The following EPM2A variants were observed in gnomAD, a reference collection of about 807,000 sequenced individuals.
EPM2A encodes EPM2A glucan phosphatase, laforin.
EPM2A carries 21 observed loss-of-function variants against 26.5 expected under a neutral mutation model. The observed-to-expected ratio is 0.79, with a 90% CI of 0.56 to 1.14. The LOEUF (loss-of-function observed/expected upper bound fraction) is 1.14. Among genes scored for constraint, EPM2A ranks in the 50% most tolerant of loss-of-function variants. The pLI, the probability that EPM2A is intolerant of heterozygous loss-of-function variation, is 0.00. For missense variants in EPM2A, 458 were observed against 440.8 expected (o/e 1.04, Z -0.35); for synonymous variants, 217 against 177.6 (o/e 1.22, Z -1.76).
At chr6:145,660,500 G>A (rs1420982205) in intron 2 of EPM2A, among the ~76,000 whole-genome samples, 4 of 152,204 alleles carry the variant, frequency 2.6e-5, no homozygotes, top group African/African-American at 9.6e-5. Flanking sequence ...CAAAATGTAG[G>A]CACTCAAAAA....
intron 4 of EPM2A, among the ~76,000 whole-genome samples, chr6:145,424,259 A>G (rs1416910075): frequency 1.3e-5 from 2 of 152,222 alleles, no homozygotes; most frequent in Non-Finnish European, 2.9e-5. Context: ...GAGGAGGAAA[A>G]ATAGAGAAAC....
chr6:145,495,606 C>T (rs1779807756), intron 4 of EPM2A, among the ~76,000 whole-genome samples: 1 of 152,196 alleles, frequency 6.6e-6, no homozygotes, highest in South Asian at 2.1e-4. Context: ...TAGATGGAAT[C>T]TTGATCTGTC....
chr6:145,523,622 C>G (rs1780232563), intron 2 of EPM2A, among the ~76,000 whole-genome samples: 1 of 152,166 alleles, frequency 6.6e-6, no homozygotes, highest in South Asian at 2.1e-4. Flanking sequence ...GACTACTTCA[C>G]AGACTGACTG....
chr6:145,479,938 A>C (rs1365050779), intron 4 of EPM2A, among the ~76,000 whole-genome samples: 1 of 152,088 alleles, frequency 6.6e-6, no homozygotes, highest in Middle Eastern at 3.2e-3. Flanking sequence ...TTTTTAAAGA[A>C]AATTATAGCC....
chr6:145,673,938 A>AGTGGT (rs1253378386), intron 2 of EPM2A, among the ~76,000 whole-genome samples: 1 of 152,232 alleles, frequency 6.6e-6, no homozygotes, highest in Non-Finnish European at 1.5e-5. Flanking sequence ...TTCTCCCAGC[A>AGTGGT]GTGGTTCTCC....
At chr6:145,541,261 TTATA>T (rs1331508043) in intron 2 of EPM2A, among the ~76,000 whole-genome samples, 1 of 149,786 alleles carries the variant, frequency 6.7e-6, no homozygotes. Flanking sequence ...ACATATATAA[TTATA>T]TATGTGTGTG....
intron 2 of EPM2A, among the ~76,000 whole-genome samples, chr6:145,518,856 T>A (rs1230313250): frequency 6.6e-6 from 1 of 152,142 alleles, no homozygotes; most frequent in Non-Finnish European, 1.5e-5. Context: ...GGCCATTCTA[T>A]GGAAACATAT....
chr6:145,541,380 G>A (rs1780510113), intron 2 of EPM2A, among the ~76,000 whole-genome samples: 1 of 150,794 alleles, frequency 6.6e-6, no homozygotes, highest in Admixed American at 6.6e-5. Flanking sequence ...TTCTATATTG[G>A]AATAAATCAT....
At chr6:145,397,634 C>A (rs79406547) in intron 4 of EPM2A, among the ~76,000 whole-genome samples, 1 of 152,138 alleles carries the variant, frequency 6.6e-6, no homozygotes, top group Non-Finnish European at 1.5e-5. Context: ...CCATAATCTC[C>A]AGTCTCACCA....
chr6:145,653,884 G>C (rs1214694648), intron 2 of EPM2A, among the ~76,000 whole-genome samples: 2 of 152,134 alleles, frequency 1.3e-5, no homozygotes, highest in South Asian at 4.2e-4. Context: ...TGTTTGACTG[G>C]CTATCTGGGT....
At chr6:145,566,609 T>C (rs1582859230) in intron 2 of EPM2A, among the ~76,000 whole-genome samples, 1 of 152,304 alleles carries the variant, frequency 6.6e-6, no homozygotes, top group African/African-American at 2.4e-5. Context: ...TGAAGGTGAG[T>C]TGCTTTTATG....
At chr6:145,676,518 G>T (rs541132960) in intron 2 of EPM2A, among the ~76,000 whole-genome samples, 22 of 152,064 alleles carry the variant, frequency 1.4e-4, no homozygotes, top group Non-Finnish European at 2.8e-4. Flanking sequence ...CAACAAAATT[G>T]ATAGGCTGCT....
intron 2 of EPM2A, among the ~76,000 whole-genome samples, chr6:145,578,708 T>C (rs1324935347): frequency 6.6e-6 from 1 of 152,184 alleles, no homozygotes; most frequent in Non-Finnish European, 1.5e-5. Context: ...TTTATCAAGG[T>C]ATAATTGACA....
chr6:145,617,331 A>C (rs990438953), intron 2 of EPM2A, among the ~76,000 whole-genome samples: 2 of 152,166 alleles, frequency 1.3e-5, no homozygotes, highest in Non-Finnish European at 2.9e-5. Flanking sequence ...TGGAACTGTA[A>C]GTCCATTAAA....
Position 145,698,302 on chromosome 6 carries a change from A to G in EPM2A, c.302-12006T>C, listed in dbSNP as rs924892322. Reference sequence around the variant, plus strand: ...ACAAATGTCCTTGAGACAGTTGTTTAGCAGTCCAGTATGACGCGTTAGCCC... The same window carrying G: ...ACAAATGTCCTTGAGACAGTTGTTTGGCAGTCCAGTATGACGCGTTAGCCC... On this transcript the variant is annotated intron_variant, in intron 1 of 3. Coordinates refer to ENST00000367519, the MANE Select transcript of EPM2A (RefSeq NM_005670.4). Among the ~76,000 whole-genome samples the G allele has an allele frequency of 3.1e-4, 47 of 152,252 alleles. 1 individual carries two copies. The highest frequency in any genetic ancestry group is 1.1e-3 in the African/African-American group (47 of 41,460).
intron 2 of EPM2A, among the ~76,000 whole-genome samples, chr6:145,540,459 T>C (rs1218939650): frequency 6.6e-6 from 1 of 152,156 alleles, no homozygotes; most frequent in Non-Finnish European, 1.5e-5. Flanking sequence ...CCTTCCCCTG[T>C]TACTTGGTGT....
At chr6:145,717,589 T>G (rs1775705517) in intron 1 of EPM2A, among the ~76,000 whole-genome samples, 1 of 152,156 alleles carries the variant, frequency 6.6e-6, no homozygotes, top group Admixed American at 6.5e-5. Flanking sequence ...ACCGCTCCTA[T>G]TCAACATAGT....
At chr6:145,652,062 TATAAG>T (rs1016694345) in intron 2 of EPM2A, among the ~76,000 whole-genome samples, 3 of 152,184 alleles carry the variant, frequency 2.0e-5, no homozygotes, top group African/African-American at 2.4e-5. Flanking sequence ...CAAACTTACT[TATAAG>T]ATATTTTATT....
intron 2 of EPM2A, among the ~76,000 whole-genome samples, chr6:145,514,876 T>C (rs1253200554): frequency 6.6e-6 from 1 of 152,174 alleles, no homozygotes; most frequent in South Asian, 2.1e-4. Flanking sequence ...TTTGAGTGGA[T>C]TTATCACAGC....
Sources: gnomAD v4.1 joint callset for allele counts (sites outside exome capture counted in the v4.1 genomes callset) on GRCh38, gnomAD v4.1.1 for gene constraint, MANE v1.5 for transcripts, NCBI Gene and HGNC (gene_info 2026-07-23, HGNC 2026-07-21) for gene names.